Variants in MID1 observed in about 807,000 individuals in gnomAD.
MID1 encodes the protein midline 1.
MID1 carries 7 observed loss-of-function variants against 40.4 expected under a neutral mutation model. The ratio of observed to expected loss-of-function variants is 0.17; its 90% confidence interval spans 0.10 to 0.33. The LOEUF (loss-of-function observed/expected upper bound fraction) is 0.33. Among genes scored for constraint, MID1 ranks in the 10% least tolerant of loss-of-function variants. MID1 has a pLI of 1.00. For synonymous variants in MID1, 229 were observed against 221.2 expected, an observed-to-expected ratio of 1.04 and a Z score of -0.31; for missense variants, 367 against 558.5, an observed-to-expected ratio of 0.66 and a Z score of 3.46.
At chrX:10,691,994 A>G (rs142481411) in intron 1 of MID1, among the ~76,000 whole-genome samples, 1,467 of 111,532 alleles carry the variant, frequency 0.013, 26 homozygotes, top group African/African-American at 0.045. Context: ...CAGGCTTGCT[A>G]GGATTGGGAA....
At chrX:10,779,362 G>A (rs1227914098) in intron 1 of MID1, among the ~76,000 whole-genome samples, 1 of 111,109 alleles carries the variant, frequency 9.0e-6, no homozygotes, top group Non-Finnish European at 1.9e-5. Context: ...TTGTAGAGAC[G>A]AGGTCTCCCC....
At chrX:10,706,912 A>G (rs1192235505) in intron 1 of MID1, among the ~76,000 whole-genome samples, 2 of 111,903 alleles carry the variant, frequency 1.8e-5, no homozygotes, top group Non-Finnish European at 3.8e-5. Flanking sequence ...GTGCATTACT[A>G]TGTTTTCAAA....
At chrX:10,502,423 C>T (rs184354411) in intron 3 of MID1, among the ~76,000 whole-genome samples, 2 of 111,567 alleles carry the variant, frequency 1.8e-5, no homozygotes, top group Non-Finnish European at 3.8e-5. Context: ...ACAGGATAAC[C>T]CCAACGTGTT....
chrX:10,743,841 A>G (rs2043542173), intron 1 of MID1, among the ~76,000 whole-genome samples: 1 of 111,790 alleles, frequency 8.9e-6, no homozygotes, highest in African/African-American at 3.3e-5. Flanking sequence ...TTGCAAAGCT[A>G]TTGCCAGTAT....
At chrX:10,549,799 G>A (rs1039648617) in intron 2 of MID1, among the ~76,000 whole-genome samples, 2 of 112,926 alleles carry the variant, frequency 1.8e-5, no homozygotes, top group Non-Finnish European at 3.7e-5. Context: ...GTGCAGCCAG[G>A]TTGAGAACCA....
intron 1 of MID1, among the ~76,000 whole-genome samples, chrX:10,581,269 CA>C (rs1406911505): frequency 2.7e-5 from 3 of 109,869 alleles, no homozygotes; most frequent in Non-Finnish European, 5.7e-5. Flanking sequence ...AAAACAAAAA[CA>C]AAAAACAAAC....
Position 10,760,125 on chromosome X carries a change from T to C in MID1, c.-187+73429A>G, listed in dbSNP as rs756441241. The stretch of plus-strand genomic sequence containing the variant: ...CATCAAGTCGATCACAAATTACACC[T>C]GTGATAGATCAATGCTCAGTGCCTG... On this transcript the variant is annotated intron_variant, in intron 1 of 10. Coordinates refer to the MID1 transcript ENST00000380785. Among the ~76,000 whole-genome samples, 10 of 112,017 alleles carry C rather than the reference T, an allele frequency of 8.9e-5. No homozygotes were observed. The South Asian group carries it at 3.8e-3, about 42-fold the overall frequency.
intron 1 of MID1, among the ~76,000 whole-genome samples, chrX:10,671,702 CA>C (rs1251184566): frequency 1.8e-5 from 2 of 110,775 alleles, no homozygotes; most frequent in African/African-American, 6.6e-5. Context: ...TAGTATTTCT[CA>C]AACTTCTTGT....
intron 1 of MID1, among the ~76,000 whole-genome samples, chrX:10,827,898 T>A (rs1032937994): frequency 9.0e-6 from 1 of 111,502 alleles, no homozygotes; most frequent in African/African-American, 3.3e-5. Flanking sequence ...ATCTTCCATT[T>A]TATTTATGCA....
At chrX:10,824,114 A>G (rs1051267757) in intron 1 of MID1, among the ~76,000 whole-genome samples, 4 of 112,013 alleles carry the variant, frequency 3.6e-5, no homozygotes, top group African/African-American at 9.7e-5. Context: ...TGTTTTAGAG[A>G]TAACACAGGA....
At chrX:10,731,966 CAAAAAAAAA>C (rs754605735) in intron 1 of MID1, among the ~76,000 whole-genome samples, 441 of 26,643 alleles carry the variant, frequency 0.017, 4 homozygotes, top group African/African-American at 0.039. Context: ...GAATCTATCA[CAAAAAAAAA>C]AAAAAAAAAA....
intron 2 of MID1, among the ~76,000 whole-genome samples, chrX:10,525,327 T>C (rs1346478523): frequency 8.9e-6 from 1 of 112,339 alleles, no homozygotes; most frequent in Non-Finnish European, 1.9e-5. Context: ...AATTTTTTAA[T>C]GAATGCATTT....
chrX:10,462,542 T>A (rs955922461), intron 7 of MID1, among the ~76,000 whole-genome samples: 3 of 112,286 alleles, frequency 2.7e-5, no homozygotes, highest in Non-Finnish European at 5.6e-5. Flanking sequence ...TTTTCAGTCA[T>A]CTTTGAGGGT....
intron 1 of MID1, among the ~76,000 whole-genome samples, chrX:10,832,500 C>T (rs1161869662): frequency 8.9e-6 from 1 of 112,062 alleles, no homozygotes; most frequent in Non-Finnish European, 1.9e-5. Flanking sequence ...TAGCACAAAC[C>T]TGCTCCCAAA....
intron 1 of MID1, among the ~76,000 whole-genome samples, chrX:10,729,234 C>T (rs1183055715): frequency 1.8e-5 from 2 of 111,893 alleles, no homozygotes; most frequent in Non-Finnish European, 3.8e-5. Context: ...ACATTTCCAA[C>T]ACAGCTAATG....
chrX:10,595,180 T>C (rs192432184), intron 1 of MID1, among the ~76,000 whole-genome samples: 45 of 111,833 alleles, frequency 4.0e-4, no homozygotes, highest in Non-Finnish European at 7.7e-4. Context: ...GTTTAGAATC[T>C]GGGTTTTTCT....
At chrX:10,454,043 C>G (rs1280241779) in intron 9 of MID1, among the ~76,000 whole-genome samples, 1 of 112,393 alleles carries the variant, frequency 8.9e-6, no homozygotes, top group Non-Finnish European at 1.9e-5. Context: ...AGCAAGCAGG[C>G]ATTTGTGAGA....
At chrX:10,793,905 T>TCTTC (rs375348938) in intron 1 of MID1, among the ~76,000 whole-genome samples, 11 of 111,436 alleles carry the variant, frequency 9.9e-5, no homozygotes, top group African/African-American at 3.6e-4. Context: ...CATCTGATAT[T>TCTTC]CTTCCTTCCA....
chrX:10,604,021 G>A (rs986876916), intron 1 of MID1, among the ~76,000 whole-genome samples: 1 of 111,856 alleles, frequency 8.9e-6, no homozygotes, highest in Non-Finnish European at 1.9e-5. Context: ...GTAAGTAAAA[G>A]AGATGATGTC....
Sources: gnomAD v4.1 joint callset for allele counts (sites outside exome capture counted in the v4.1 genomes callset) on GRCh38, gnomAD v4.1.1 for gene constraint, MANE v1.5 for transcripts, NCBI Gene and HGNC (gene_info 2026-07-23, HGNC 2026-07-21) for gene names.